Variants in SCFD2 observed in about 807,000 individuals in gnomAD.
SCFD2 encodes sec1 family domain containing 2, also known as sec1 family domain-containing protein 2.
A neutral mutation model predicts 58.9 loss-of-function variants in SCFD2; 54 were observed. The ratio of observed to expected loss-of-function variants is 0.92; its 90% CI spans 0.74 to 1.15. The LOEUF (loss-of-function observed/expected upper bound fraction) is 1.15, where lower values mean the gene tolerates loss of function less well. SCFD2 is among the 50% of genes most tolerant of loss of function. SCFD2 has a pLI of 0.00. For synonymous variants in SCFD2, 321 were observed against 335.9 expected (o/e 0.96, Z 0.49); for missense variants, 805 against 836.6 (o/e 0.96, Z 0.47).
At chr4:52,978,325 A>T (rs1430833744) in intron 5 of SCFD2, among the ~76,000 whole-genome samples, 4 of 152,288 alleles carry the variant, frequency 2.6e-5, no homozygotes, top group South Asian at 4.1e-4. Context: ...CTGTTCTCCC[A>T]GTGTTTGATG....
At chr4:53,201,237 A>G (rs918259797) in intron 4 of SCFD2, among the ~76,000 whole-genome samples, 3 of 138,304 alleles carry the variant, frequency 2.2e-5, no homozygotes, top group Non-Finnish European at 4.6e-5. Context: ...ACGTGTTCTC[A>G]TTGTTCAATT....
intron 2 of SCFD2, among the ~76,000 whole-genome samples, chr4:53,344,200 C>G: frequency 6.6e-6 from 1 of 151,772 alleles, no homozygotes; most frequent in Non-Finnish European, 1.5e-5. Context: ...TTAGAAAACC[C>G]CATCATCTCA....
chr4:52,881,976 G>A (rs898602190), intron 8 of SCFD2, among the ~76,000 whole-genome samples: 5 of 152,266 alleles, frequency 3.3e-5, no homozygotes, highest in East Asian at 1.9e-4. Flanking sequence ...AGCCCCAGAC[G>A]TAGGCAGGGG....
intron 3 of SCFD2, among the ~76,000 whole-genome samples, chr4:53,275,587 T>C (rs1731303269): frequency 6.6e-6 from 1 of 152,236 alleles, no homozygotes; most frequent in South Asian, 2.1e-4. Flanking sequence ...GACAAATGGA[T>C]ATGGTTGGAT....
At chr4:53,169,929 T>A (rs1727128023) in intron 4 of SCFD2, among the ~76,000 whole-genome samples, 1 of 152,228 alleles carries the variant, frequency 6.6e-6, no homozygotes, top group African/African-American at 2.4e-5. Flanking sequence ...TTCTGGATAT[T>A]ACAGATGTAT....
intron 5 of SCFD2, among the ~76,000 whole-genome samples, chr4:53,043,665 G>A (rs897547370): frequency 1.3e-5 from 2 of 151,996 alleles, no homozygotes; most frequent in Admixed American, 6.6e-5. Flanking sequence ...TTTTAATATC[G>A]TTCCACTTTT....
intron 5 of SCFD2, among the ~76,000 whole-genome samples, chr4:53,031,365 T>A (rs1722611552): frequency 6.6e-6 from 1 of 152,180 alleles, no homozygotes; most frequent in Non-Finnish European, 1.5e-5. Flanking sequence ...CTAAAAGGCC[T>A]CTTCTCCTCT....
intron 1 of SCFD2, among the ~76,000 whole-genome samples, chr4:53,362,400 A>G (rs1300855337): frequency 6.6e-6 from 1 of 152,208 alleles, no homozygotes; most frequent in African/African-American, 2.4e-5. Context: ...CAAGTAAATG[A>G]TATGTCATAG....
At chr4:53,096,061 A>G (rs1724620432) in intron 5 of SCFD2, among the ~76,000 whole-genome samples, 1 of 152,116 alleles carries the variant, frequency 6.6e-6, no homozygotes, top group African/African-American at 2.4e-5. Flanking sequence ...ATCATTTTTT[A>G]TGGCTGCGTA....
intron 3 of SCFD2, 28 bp from the exon 4 acceptor site, chr4:53,274,029 C>A: frequency 2.5e-6 from 4 of 1,579,080 alleles, no homozygotes; most frequent in African/African-American, 1.3e-5. Flanking sequence ...TATCAGTGTA[C>A]CCCCTTCTGG....
chr4:52,982,053 CTT>C (rs1721388790), intron 5 of SCFD2, among the ~76,000 whole-genome samples: 2 of 152,214 alleles, frequency 1.3e-5, no homozygotes, highest in African/African-American at 4.8e-5. Flanking sequence ...AAGGATGACT[CTT>C]ATGTTTCTGG....
At chr4:53,275,121 C>G (rs560632370) in intron 3 of SCFD2, among the ~76,000 whole-genome samples, 10 of 152,194 alleles carry the variant, frequency 6.6e-5, no homozygotes, top group Non-Finnish European at 1.2e-4. Context: ...GAAAACGAGG[C>G]TTGTGCTGCA....
chr4:52,935,982 C>A (rs1358344767), intron 5 of SCFD2, among the ~76,000 whole-genome samples: 8 of 152,104 alleles, frequency 5.3e-5, no homozygotes, highest in African/African-American at 1.9e-4. Flanking sequence ...GCATTACAGG[C>A]ATGCACCACC....
intron 5 of SCFD2, among the ~76,000 whole-genome samples, chr4:52,939,319 A>C (rs1382797135): frequency 6.6e-6 from 1 of 152,232 alleles, no homozygotes; most frequent in African/African-American, 2.4e-5. Flanking sequence ...GGCAATACTG[A>C]GAAGTAGGTA....
chr4:53,207,892 C>G (rs1005755375), intron 4 of SCFD2, among the ~76,000 whole-genome samples: 1 of 151,256 alleles, frequency 6.6e-6, no homozygotes, highest in African/African-American at 2.4e-5. Flanking sequence ...GAACCACCAG[C>G]CAATTAAACC....
At chr4:53,170,469 C>T (rs542985858) in intron 4 of SCFD2, among the ~76,000 whole-genome samples, 36 of 152,206 alleles carry the variant, frequency 2.4e-4, no homozygotes, top group African/African-American at 7.2e-4. Flanking sequence ...AGTAGTGCAG[C>T]GCCTCCAGCT....
chr4:53,305,938 G>C (rs893934184), intron 3 of SCFD2, among the ~76,000 whole-genome samples: 2 of 152,188 alleles, frequency 1.3e-5, no homozygotes, highest in African/African-American at 2.4e-5. Flanking sequence ...AACTGACACT[G>C]TTAATTCAAG....
chr4:52,972,804 T>G (rs1044381645), intron 5 of SCFD2, among the ~76,000 whole-genome samples: 12 of 151,998 alleles, frequency 7.9e-5, no homozygotes, highest in African/African-American at 2.7e-4. Flanking sequence ...GAACAGAAAT[T>G]ATAACAAACT....
chr4:52,991,062 C>T (rs901375039), intron 5 of SCFD2, among the ~76,000 whole-genome samples: 6 of 152,080 alleles, frequency 3.9e-5, no homozygotes, highest in Non-Finnish European at 7.3e-5. Context: ...GAAGGAAGTC[C>T]ACTAAGAGGT....
Sources: gnomAD v4.1 joint callset for allele counts (sites outside exome capture counted in the v4.1 genomes callset) on GRCh38, gnomAD v4.1.1 for gene constraint, MANE v1.5 for transcripts, NCBI Gene and HGNC (gene_info 2026-07-23, HGNC 2026-07-21) for gene names.